The following SKAP2 variants were observed in gnomAD, a reference collection of about 807,000 sequenced individuals.
SKAP2 encodes src kinase-associated phosphoprotein 2.
A neutral mutation model predicts 54.9 loss-of-function variants in SKAP2; 28 were observed. The observed-to-expected ratio is 0.51, with a 90% CI of 0.38 to 0.70. The LOEUF is 0.70. SKAP2 is among the 30% of genes least tolerant of loss of function. The pLI is 0.00. For synonymous variants in SKAP2, 137 were observed against 134.3 expected, an observed-to-expected ratio of 1.02 and a Z score of -0.14; for missense variants, 356 against 424.1, an observed-to-expected ratio of 0.84 and a Z score of 1.41.
chr7:26,706,304 A>C (rs1787153926), intron 9 of SKAP2, among the ~76,000 whole-genome samples: 1 of 152,170 alleles, frequency 6.6e-6, no homozygotes, highest in South Asian at 2.1e-4. Flanking sequence ...GTAAAGTAAA[A>C]CTTCAAACTT....
chr7:26,691,652 G>C (rs1012806157), intron 9 of SKAP2, among the ~76,000 whole-genome samples: 8 of 152,154 alleles, frequency 5.3e-5, no homozygotes, highest in Admixed American at 4.6e-4. Flanking sequence ...GGCTGAAGGG[G>C]CCTAAACCTG....
Position 26,799,233 on chromosome 7 carries a change from T to C in SKAP2, c.307+44797A>G, listed in dbSNP as rs960591859. Among the ~76,000 whole-genome samples the C allele has an allele frequency of 2.6e-5, 4 of 151,758 alleles. No homozygotes were observed. In the South Asian group the frequency reaches 6.2e-4, roughly 24 times the overall value. Reference sequence around the variant, plus strand: ...TACTTATCAATAATACCATTGAATGTAAATGGATTAAACTCTTCAATCAAA... The same window carrying C: ...TACTTATCAATAATACCATTGAATGCAAATGGATTAAACTCTTCAATCAAA... On this transcript the variant is annotated intron_variant, in intron 4 of 12. Coordinates refer to ENST00000345317, the MANE Select transcript of SKAP2 (RefSeq NM_003930.5).
At chr7:26,861,757 A>C (rs1240793813) in intron 1 of SKAP2, among the ~76,000 whole-genome samples, 1 of 151,822 alleles carries the variant, frequency 6.6e-6, no homozygotes, top group Non-Finnish European at 1.5e-5. Context: ...AAAATAATAA[A>C]TAAGAATACA....
chr7:26,671,868 T>C (rs915960295), intron 11 of SKAP2, among the ~76,000 whole-genome samples: 1 of 151,990 alleles, frequency 6.6e-6, no homozygotes, highest in Non-Finnish European at 1.5e-5. Flanking sequence ...TCTTAATAGG[T>C]ACCTAATAAA....
chr7:26,794,137 A>T (rs1363848033), intron 4 of SKAP2, among the ~76,000 whole-genome samples: 2 of 152,340 alleles, frequency 1.3e-5, no homozygotes, highest in Middle Eastern at 3.4e-3. Flanking sequence ...CTCAGGAAAT[A>T]GTGTATCTTC....
At chr7:26,791,656 G>A (rs1464365535) in intron 4 of SKAP2, among the ~76,000 whole-genome samples, 1 of 152,038 alleles carries the variant, frequency 6.6e-6, no homozygotes, top group Non-Finnish European at 1.5e-5. Context: ...AGAATTAAAA[G>A]GCAATATAGC....
intron 4 of SKAP2, among the ~76,000 whole-genome samples, chr7:26,773,880 G>C (rs1287680374): frequency 6.6e-6 from 1 of 152,142 alleles, no homozygotes; most frequent in Non-Finnish European, 1.5e-5. Context: ...TCAATACCTG[G>C]GGTAAGGCTA....
rs2128082410 is a variant in SKAP2, at chr7:26,667,205, A to G, written c.*2461T>C. 6.6e-6 allele frequency: 1 copy of G among 152,304 alleles called. No individual in the cohort carries two copies. Among genetic ancestry groups the G allele is most frequent in the South Asian group, 2.1e-4 (1 of 4,830 alleles). The allele number at this position is 152,304 out of a possible 1,614,324, so 9.4% of individuals were successfully genotyped here. On this transcript the variant is annotated 3_prime_UTR_variant, in exon 13 of 13. Coordinates refer to ENST00000345317, the MANE Select transcript of SKAP2 (RefSeq NM_003930.5). ...AATGCTATATAAAATATGACTTACA[A>G]TCACCTTTGAAAAAAATTAGCTCTC...
At chr7:26,737,849 T>G (rs1449426068) in intron 6 of SKAP2, among the ~76,000 whole-genome samples, 1 of 152,244 alleles carries the variant, frequency 6.6e-6, no homozygotes, top group South Asian at 2.1e-4. Context: ...GAGAGATTTA[T>G]TAATTAACAA....
intron 11 of SKAP2, among the ~76,000 whole-genome samples, chr7:26,682,801 A>G (rs963776179): frequency 6.6e-6 from 1 of 152,216 alleles, no homozygotes; most frequent in African/African-American, 2.4e-5. Flanking sequence ...ATTAGTCTCC[A>G]CAAAACAGGA....
At chr7:26,820,714 A>G (rs1784369058) in intron 4 of SKAP2, among the ~76,000 whole-genome samples, 1 of 144,836 alleles carries the variant, frequency 6.9e-6, no homozygotes, top group Non-Finnish European at 1.6e-5. Context: ...ATTAAATCAT[A>G]AAAATAATCA....
chr7:26,821,815 C>G (rs1306605061), intron 4 of SKAP2, among the ~76,000 whole-genome samples: 1 of 152,154 alleles, frequency 6.6e-6, no homozygotes, highest in Non-Finnish European at 1.5e-5. Flanking sequence ...TCCCACCCAT[C>G]AAGTTGATCC....
At chr7:26,794,979 C>G (rs909147789) in intron 4 of SKAP2, among the ~76,000 whole-genome samples, 1 of 152,224 alleles carries the variant, frequency 6.6e-6, no homozygotes, top group Non-Finnish European at 1.5e-5. Flanking sequence ...CCTCTTGAAC[C>G]TGGTGCCTTC....
chr7:26,857,783 A>G (rs1177453780), intron 1 of SKAP2: 6 of 958,916 alleles, frequency 6.3e-6, no homozygotes, highest in Non-Finnish European at 7.4e-6. Context: ...AGCAAGCAAT[A>G]AGAGTCTTGG....
At chr7:26,808,259 A>G (rs1203593937) in intron 4 of SKAP2, among the ~76,000 whole-genome samples, 1 of 152,236 alleles carries the variant, frequency 6.6e-6, no homozygotes, top group Non-Finnish European at 1.5e-5. Context: ...TTTGGTATAC[A>G]TACATAATAG....
intron 9 of SKAP2, among the ~76,000 whole-genome samples, chr7:26,698,613 A>G (rs1375717722): frequency 3.3e-5 from 5 of 152,232 alleles, no homozygotes; most frequent in African/African-American, 9.6e-5. Flanking sequence ...ACAAAATCAG[A>G]AGAATGTATA....
intron 4 of SKAP2, among the ~76,000 whole-genome samples, chr7:26,806,378 C>T (rs1584400914): frequency 6.6e-6 from 1 of 151,766 alleles, no homozygotes; most frequent in African/African-American, 2.4e-5. Flanking sequence ...TATAGTGAGA[C>T]CTCATCTCAA....
chr7:26,715,110 C>G (rs1787401226), intron 9 of SKAP2, among the ~76,000 whole-genome samples: 1 of 152,090 alleles, frequency 6.6e-6, no homozygotes, highest in Non-Finnish European at 1.5e-5. Flanking sequence ...ACATAAAAGC[C>G]TAGCCCCATT....
At chr7:26,794,660 C>T (rs1216201319) in intron 4 of SKAP2, among the ~76,000 whole-genome samples, 2 of 152,196 alleles carry the variant, frequency 1.3e-5, no homozygotes, top group Non-Finnish European at 2.9e-5. Context: ...AGGTGGATAT[C>T]TTGTCTAGCC....
Sources: allele counts gnomAD v4.1 joint callset (sites outside exome capture counted in the v4.1 genomes callset), GRCh38; gene constraint gnomAD v4.1.1; transcripts MANE v1.5; gene names NCBI Gene and HGNC (gene_info 2026-07-23, HGNC 2026-07-21).